CFAP47: variants seen among roughly 807,000 people sequenced by gnomAD.
CFAP47 encodes the protein cilia and flagella associated protein 47.
CFAP47 carries 29 observed loss-of-function variants against 148.1 expected under a neutral mutation model. That is an observed-to-expected ratio of 0.20 (90% CI 0.15 to 0.27). CFAP47 has a LOEUF of 0.27. CFAP47 is among the 10% of genes least tolerant of loss of function. The pLI is 1.00. For missense variants in CFAP47, 1,872 were observed against 1,697.5 expected (o/e 1.10, Z -1.81); for synonymous variants, 664 against 577.3 (o/e 1.15, Z -2.15).
Position 36,149,197 on chromosome X carries a change from A to G in CFAP47, c.5760A>G (p.Lys1920=), listed in dbSNP as rs1318341444. Residue 1920 remains lysine (K), a synonymous_variant, in exon 37 of 64, where the codon AAA becomes AAG. Coordinates refer to ENST00000378653, the MANE Select transcript of CFAP47 (RefSeq NM_001304548.2). ...RDAADFSLSQ[K]GNVVTISPRN... is the part of the protein sequence containing the mutation. ...CTGCTGACTTCTCCCTTTCCCAAAA[A>G]GGGAATGTTGTGACAATTTCTCCAA... The G allele has an allele frequency of 6.8e-6, 2 of 294,252 alleles. No individual in the cohort carries two copies. The highest frequency in any genetic ancestry group is 5.5e-5 in the African/African-American group (2 of 36,137). The allele number at this position is 294,252 out of a possible 1,213,427, so 24.2% of individuals were successfully genotyped here.
At chrX:36,286,334 A>G (rs1556004550) in intron 51 of CFAP47, among the ~76,000 whole-genome samples, 2 of 111,043 alleles carry the variant, frequency 1.8e-5, no homozygotes, top group Non-Finnish European at 3.8e-5. Flanking sequence ...ATTGATAATA[A>G]TAAATGTTAT....
intron 22 of CFAP47, among the ~76,000 whole-genome samples, chrX:36,021,353 G>A (rs918424483): frequency 9.1e-6 from 1 of 110,111 alleles, no homozygotes; most frequent in Non-Finnish European, 1.9e-5. Context: ...GCCCAGGCTG[G>A]AGTGCAGTGG....
intron 49 of CFAP47, among the ~76,000 whole-genome samples, chrX:36,262,355 C>A (rs1940838810): frequency 9.0e-6 from 1 of 111,171 alleles, no homozygotes; most frequent in African/African-American, 3.3e-5. Context: ...CCATTCCTAC[C>A]TCCCACCAAC....
At position 36,065,705 on chromosome X, in the gene CFAP47, C is replaced by A; in HGVS notation, c.4280C>A (p.Ala1427Glu). 3.4e-6 allele frequency: 4 copies of A among 1,188,345 alleles called. No individual in the cohort carries two copies. Among genetic ancestry groups the A allele is most frequent in the Non-Finnish European group, 3.4e-6 (3 of 876,603 alleles). ...NCILTIYPYM[A>E]IHLDKQNIIL... is the part of the protein sequence containing the mutation. ...ATTCTTACTATTTACCCATATATGG[C>A]AATTCATCTGGATAAGCAAAACATT... Residue 1427 changes from alanine (A) to glutamate (E), a missense_variant, in exon 27 of 64, where the codon GCA becomes GAA. By Grantham distance (107) the Ala-to-Glu change is moderately radical. Coordinates refer to ENST00000378653, the MANE Select transcript of CFAP47 (RefSeq NM_001304548.2).
At chrX:36,327,968 G>A (rs1456847585) in intron 57 of CFAP47, among the ~76,000 whole-genome samples, 1 of 110,861 alleles carries the variant, frequency 9.0e-6, no homozygotes, top group East Asian at 2.9e-4. Context: ...AGGGAAGGGG[G>A]ATTGAGTTGA....
In CFAP47 at chrX:36,031,321, C is replaced by A; in HGVS notation, c.3625C>A (p.Pro1209Thr). ...VFEIPLHEMN[P>T]NNKVTKTQNL... ...TGAAATCCCTTTACATGAGATGAAT[C>A]CTAATAACAAGGTCACAAAAACTCA... The change falls in exon 23 of 64, where the codon CCT (proline) becomes ACT (threonine). Residue 1209 changes from proline (P) to threonine (T), a missense_variant. Coordinates refer to ENST00000378653, the MANE Select transcript of CFAP47 (RefSeq NM_001304548.2). 1 of 291,196 alleles carries A rather than the reference C, an allele frequency of 3.4e-6. No individual in the cohort carries two copies. The allele number at this position is 291,196 out of a possible 1,213,427, so 24.0% of individuals were successfully genotyped here.
intron 57 of CFAP47, among the ~76,000 whole-genome samples, chrX:36,346,308 T>C (rs1382402610): frequency 9.0e-6 from 1 of 111,208 alleles, no homozygotes; most frequent in Non-Finnish European, 1.9e-5. Context: ...TCCTGGGCCT[T>C]AGCTCAGCCT....
chrX:36,005,565 A>G (rs954910646), intron 21 of CFAP47, among the ~76,000 whole-genome samples: 8 of 111,687 alleles, frequency 7.2e-5, no homozygotes, highest in Non-Finnish European at 1.5e-4. Context: ...ATCACTTTAA[A>G]TTTATTGCAG....
intron 8 of CFAP47, among the ~76,000 whole-genome samples, chrX:35,961,032 C>G (rs1304680473): frequency 1.8e-5 from 2 of 111,429 alleles, no homozygotes; most frequent in Non-Finnish European, 3.8e-5. Context: ...GAGTTCCCTT[C>G]TATTCCTAGT....
intron 58 of CFAP47, among the ~76,000 whole-genome samples, chrX:36,349,811 A>G (rs1286716672): frequency 1.8e-5 from 2 of 111,320 alleles, no homozygotes; most frequent in Non-Finnish European, 3.8e-5. Flanking sequence ...CTTATATTTC[A>G]TGATGGTTTC....
intron 59 of CFAP47, among the ~76,000 whole-genome samples, chrX:36,350,653 T>C (rs1284361809): frequency 6.4e-5 from 7 of 109,995 alleles, no homozygotes; most frequent in Non-Finnish European, 3.8e-5. Context: ...CTTAAATGCC[T>C]TTCTTGTTCT....
intron 46 of CFAP47, among the ~76,000 whole-genome samples, chrX:36,234,307 T>C (rs1397120244): frequency 1.2e-4 from 13 of 110,930 alleles, no homozygotes; most frequent in Non-Finnish European, 2.1e-4. Context: ...GGAGGCTTTG[T>C]TCATTTCTTT....
intron 57 of CFAP47, among the ~76,000 whole-genome samples, chrX:36,329,825 T>C (rs1252434802): frequency 3.6e-5 from 4 of 111,665 alleles, no homozygotes; most frequent in Admixed American, 2.9e-4. Flanking sequence ...AGACAGCTTA[T>C]GTTCATTCCT....
intron 25 of CFAP47, among the ~76,000 whole-genome samples, chrX:36,046,343 A>G (rs1003019225): frequency 1.8e-5 from 2 of 110,848 alleles, no homozygotes; most frequent in African/African-American, 6.5e-5. Flanking sequence ...TGTATAATTA[A>G]GTATGTCAAC....
At chrX:36,212,655 T>G (rs192532161) in intron 45 of CFAP47, among the ~76,000 whole-genome samples, 58 of 111,742 alleles carry the variant, frequency 5.2e-4, no homozygotes, top group Middle Eastern at 9.2e-3. Context: ...TTTGATAATA[T>G]CTTAAAAGTA....
chrX:36,280,689 C>A (rs781944880), intron 50 of CFAP47, 59 bp downstream of exon 50: 1 of 417,274 alleles, frequency 2.4e-6, no homozygotes, highest in Admixed American at 3.6e-5. Context: ...TCATCATTCA[C>A]TTTTGAATGA....
intron 15 of CFAP47, among the ~76,000 whole-genome samples, chrX:35,978,668 A>G (rs1043788907): frequency 8.9e-6 from 1 of 111,930 alleles, no homozygotes; most frequent in African/African-American, 3.2e-5. Context: ...TTTGTAGCAT[A>G]TACAGTTTTG....
At chrX:36,031,395 A>C (rs1258415164) in intron 23 of CFAP47, 48 bp downstream of exon 23, 1 of 276,464 alleles carries the variant, frequency 3.6e-6, no homozygotes, top group Non-Finnish European at 6.4e-6. Context: ...CATGATTATG[A>C]ATTCTAGTTT....
At chrX:36,018,643 T>C (rs1937123947) in intron 22 of CFAP47, among the ~76,000 whole-genome samples, 1 of 112,227 alleles carries the variant, frequency 8.9e-6, no homozygotes, top group Admixed American at 9.4e-5. Context: ...ATGTATCACA[T>C]TGATTGATTT....
Sources: allele counts gnomAD v4.1 joint callset (sites outside exome capture counted in the v4.1 genomes callset), GRCh38; gene constraint gnomAD v4.1.1; transcripts MANE v1.5; gene names NCBI Gene and HGNC (gene_info 2026-07-23, HGNC 2026-07-21).